STK3: variants seen among roughly 807,000 people sequenced by gnomAD.
The protein encoded by STK3 is serine/threonine-protein kinase 3.
Under a neutral mutation model 58.0 loss-of-function variants are expected in STK3, and 41 were observed. The ratio of observed to expected loss-of-function variants is 0.71; its 90% CI spans 0.55 to 0.92. The LOEUF (loss-of-function observed/expected upper bound fraction) is 0.92, where lower values mean the gene tolerates loss of function less well. STK3 is among the 40% of genes least tolerant of loss of function. STK3 has a pLI of 0.00. For missense variants in STK3, 479 were observed against 602.7 expected (o/e 0.79, Z 2.15); for synonymous variants, 170 against 191.0 (o/e 0.89, Z 0.91).
intron 3 of STK3, chr8:98,429,234 C>T (rs781697576): frequency 8.7e-6 from 14 of 1,614,000 alleles, no homozygotes; most frequent in South Asian, 1.1e-5. Flanking sequence ...CTTTTACCGG[C>T]GCCAAAAGCA....
chr8:98,733,047 A>G (rs1056910368), intron 4 of STK3, among the ~76,000 whole-genome samples: 4 of 152,224 alleles, frequency 2.6e-5, no homozygotes, highest in Non-Finnish European at 5.9e-5. Context: ...ACCTAGGGGT[A>G]CAACACTGGA....
At chr8:98,582,462 C>A (rs184715180) in intron 7 of STK3, among the ~76,000 whole-genome samples, 1 of 151,704 alleles carries the variant, frequency 6.6e-6, no homozygotes. Context: ...CTATATTAAC[C>A]CCTAGTTCTT....
intron 3 of STK3, among the ~76,000 whole-genome samples, chr8:98,854,459 A>G (rs1043106568): frequency 6.6e-6 from 1 of 152,174 alleles, no homozygotes; most frequent in African/African-American, 2.4e-5. Context: ...TTTAAAGATG[A>G]TGTAATCTCG....
Position 98,589,438 on chromosome 8 carries a change from G to A in STK3, c.822+6594C>T, listed in dbSNP as rs1391936509. 3.3e-5 allele frequency among the ~76,000 whole-genome samples: 5 copies of A among 152,352 alleles called. No homozygotes were observed. The South Asian group carries it at 1.0e-3, about 32-fold the overall frequency. On this transcript the variant is annotated intron_variant, in intron 7 of 10. Transcript: ENST00000419617. ...GGTCAGGGGTCATGCACCCACTTAA[G>A]GAGGCAGTCTGCCCCTTCTCAGATC...
chr8:98,737,900 G>A (rs1828750236), intron 4 of STK3, among the ~76,000 whole-genome samples: 1 of 152,086 alleles, frequency 6.6e-6, no homozygotes, highest in Non-Finnish European at 1.5e-5. Context: ...AGTAGAGACA[G>A]AGTTTTGCCG....
At chr8:98,925,183 T>C (rs1839741052) in intron 1 of STK3, among the ~76,000 whole-genome samples, 1 of 152,230 alleles carries the variant, frequency 6.6e-6, no homozygotes, top group African/African-American at 2.4e-5. Flanking sequence ...CTTCTCTCTA[T>C]GTGCAGGGCT....
At chr8:98,654,680 T>A (rs1401738196) in intron 6 of STK3, among the ~76,000 whole-genome samples, 2 of 152,116 alleles carry the variant, frequency 1.3e-5, no homozygotes, top group African/African-American at 4.8e-5. Flanking sequence ...AGCATTCTTA[T>A]ACACCAATAA....
chr8:98,750,988 C>G (rs1257966920), intron 3 of STK3, among the ~76,000 whole-genome samples: 1 of 152,076 alleles, frequency 6.6e-6, no homozygotes, highest in East Asian at 1.9e-4. Context: ...ATAAACAGAA[C>G]TAAAGACAAA....
At chr8:98,783,638 T>C (rs1379859648) in intron 1 of STK3, among the ~76,000 whole-genome samples, 1 of 152,248 alleles carries the variant, frequency 6.6e-6, no homozygotes, top group South Asian at 2.1e-4. Context: ...TAATTCTTCC[T>C]TCCCAAAAGA....
chr8:98,672,088 A>C (rs544253867), intron 6 of STK3, among the ~76,000 whole-genome samples: 1 of 152,208 alleles, frequency 6.6e-6, no homozygotes, highest in East Asian at 1.9e-4. Context: ...CAAATTACTC[A>C]GTCTCGGGTA....
chr8:98,586,691 C>T (rs979842480), intron 7 of STK3, among the ~76,000 whole-genome samples: 1 of 151,868 alleles, frequency 6.6e-6, no homozygotes, highest in Non-Finnish European at 1.5e-5. Flanking sequence ...CCTCCTTGTA[C>T]CTCTGGTAGA....
intron 10 of STK3, among the ~76,000 whole-genome samples, chr8:98,473,930 T>C (rs1215472802): frequency 2.6e-5 from 4 of 152,196 alleles, no homozygotes. Context: ...TATAGATCTG[T>C]CTTCTGAGTT....
At chr8:98,387,872 CCT>C (rs1491240560) in intron 1 of STK3, among the ~76,000 whole-genome samples, 13 of 144,730 alleles carry the variant, frequency 9.0e-5, no homozygotes, top group African/African-American at 2.8e-4. Flanking sequence ...TGTAAAATGC[CCT>C]TTTTTTTTTT....
At chr8:98,348,602 G>A in the STK3 span, among the ~76,000 whole-genome samples, 292 of 152,268 alleles carry the variant, frequency 1.9e-3, 2 homozygotes, top group African/African-American at 6.5e-3. Flanking sequence ...TTAAAAGTGG[G>A]CAACAGATCT....
At chr8:98,641,341 G>A (rs1819999755) in intron 6 of STK3, among the ~76,000 whole-genome samples, 1 of 152,120 alleles carries the variant, frequency 6.6e-6, no homozygotes, top group Non-Finnish European at 1.5e-5. Flanking sequence ...AAAGGTGTTG[G>A]TTGACTGCAA....
chr8:98,856,707 T>C (rs1836698868), intron 3 of STK3, among the ~76,000 whole-genome samples: 1 of 152,230 alleles, frequency 6.6e-6, no homozygotes, highest in Non-Finnish European at 1.5e-5. Flanking sequence ...CTATTAGGTA[T>C]ATGCCCAAGA....
chr8:98,512,636 T>C (rs548691716), intron 10 of STK3, among the ~76,000 whole-genome samples: 1 of 152,308 alleles, frequency 6.6e-6, no homozygotes, highest in South Asian at 2.1e-4. Context: ...TTTAAGTAAA[T>C]GATCTATAAG....
At chr8:98,710,183 GAAC>G (rs1563916801) in intron 4 of STK3, among the ~76,000 whole-genome samples, 1 of 152,118 alleles carries the variant, frequency 6.6e-6, no homozygotes, top group East Asian at 1.9e-4. Context: ...GGCTGAATAG[GAAC>G]AGCTCCAGTC....
At chr8:98,808,022 G>A (rs978363601) in intron 1 of STK3, among the ~76,000 whole-genome samples, 2 of 152,130 alleles carry the variant, frequency 1.3e-5, no homozygotes, top group Admixed American at 6.6e-5. Flanking sequence ...GTGATTACAG[G>A]AATAAAGTCC....
Sources: gnomAD v4.1 joint callset for allele counts (sites outside exome capture counted in the v4.1 genomes callset) on GRCh38, gnomAD v4.1.1 for gene constraint, MANE v1.5 for transcripts, NCBI Gene and HGNC (gene_info 2026-07-23, HGNC 2026-07-21) for gene names.